The following SULT1C2 variants were observed in gnomAD, a reference collection of about 807,000 sequenced individuals.
The protein encoded by SULT1C2 is sulfotransferase family 1C member 2, also known as sulfotransferase 1C2.
In SULT1C2, 27 loss-of-function variants were observed where a neutral mutation model predicts 36.0. The observed-to-expected ratio is 0.75, with a 90% CI of 0.55 to 1.03. SULT1C2 has a LOEUF of 1.03. Ranked by LOEUF, SULT1C2 falls within the 50% of genes least tolerant of loss-of-function variation. The pLI, the probability that SULT1C2 is intolerant of heterozygous loss-of-function variation, is 0.00. For synonymous variants in SULT1C2, 121 were observed against 116.0 expected, an observed-to-expected ratio of 1.04 and a Z score of -0.27; for missense variants, 395 against 359.2, an observed-to-expected ratio of 1.10 and a Z score of -0.80.
Position 108,305,505 on chromosome 2 carries a change from T to C in SULT1C2, c.688T>C (p.Phe230Leu). ...VLDKIVQETSFEKMKENPMTN... is the reference protein window; with the variant it reads ...VLDKIVQETSLEKMKENPMTN... ...AGATAAAATTGTCCAGGAGACGTCA[T>C]TTGAGAAAATGAAAGAAAATCCCAT... The change falls in exon 7 of 8, where the codon TTT (phenylalanine) becomes CTT (leucine). Residue 230 changes from phenylalanine to leucine, a missense_variant. Physicochemically the swap from Phe to Leu is conservative, Grantham distance 22. Coordinates refer to ENST00000251481, the MANE Select transcript of SULT1C2 (RefSeq NM_001056.4). 6.2e-7 allele frequency: 1 copy of C among 1,614,120 alleles called. No individual in the cohort carries two copies. The highest frequency in any genetic ancestry group is 8.5e-7 in the Non-Finnish European group (1 of 1,179,984).
chr2:108,305,196 A>C lies in SULT1C2; in HGVS notation c.527A>C (p.His176Pro). The C allele has an allele frequency of 6.2e-7, 1 of 1,614,188 alleles. No individual in the cohort carries two copies. The highest frequency in any genetic ancestry group is 8.5e-7 in the Non-Finnish European group (1 of 1,180,030). ...GTGGTTTGGGGTTCCTGGTTTGACC[A>C]CGTGAAAGGATGGTGGGAGATGAAA... ...GKVVWGSWFD[H>P]VKGWWEMKDR... Residue 176 changes from histidine to proline, a missense_variant, in exon 6 of 8, where the codon CAC (histidine) becomes CCC (proline). His to Pro is a moderately conservative substitution (Grantham distance 77, BLOSUM62 -2). Coordinates refer to ENST00000251481, the MANE Select transcript of SULT1C2 (RefSeq NM_001056.4).
chr2:108,308,270 G>T, intron 7 of SULT1C2, 82 bp from the exon 8 acceptor site: 1 of 1,289,008 alleles, frequency 7.8e-7, no homozygotes, highest in Non-Finnish European at 1.1e-6. Context: ...GCCAGATTCA[G>T]TATGGGCACT....
chr2:108,293,777 C>A lies in SULT1C2; in HGVS notation c.110C>A (p.Ala37Asp). The A allele has an allele frequency of 6.2e-7, 1 of 1,614,050 alleles. No homozygotes were observed. The highest frequency in any genetic ancestry group is 8.5e-7 in the Non-Finnish European group (1 of 1,179,986). ...TGGAGCCAGATCCAGAGCTTCGAGGCCAAACCAGATGATCTCCTCATCTGC... is the reference window on the plus strand; with the variant it reads ...TGGAGCCAGATCCAGAGCTTCGAGGACAAACCAGATGATCTCCTCATCTGC... ...DNWSQIQSFE[A>D]KPDDLLICTY... Residue 37 changes from alanine (A) to aspartate (D), a missense_variant, in exon 2 of 8, where the codon GCC becomes GAC. Coordinates refer to ENST00000251481, the MANE Select transcript of SULT1C2 (RefSeq NM_001056.4).
Position 108,308,734 on chromosome 2 carries a change from T to G in SULT1C2, c.*270T>G, listed in dbSNP as rs1004072588. On this transcript the variant is annotated 3_prime_UTR_variant, in exon 8 of 8. Coordinates refer to ENST00000251481, the MANE Select transcript of SULT1C2 (RefSeq NM_001056.4). ...ACGTATGACTTGAGTACAAAAGGAT[T>G]GTTTTAATCCCCATTATTCTGGAAA... 2 of 359,534 alleles carry G rather than the reference T, an allele frequency of 5.6e-6. No homozygotes were observed. The highest frequency in any genetic ancestry group is 1.0e-5 in the Non-Finnish European group (2 of 199,962). 22.3% of individuals were successfully genotyped at this position (359,534 alleles called of 1,614,324 possible).
chr2:108,295,952 C>A (rs907040570), intron 3 of SULT1C2, among the ~76,000 whole-genome samples: 2 of 152,164 alleles, frequency 1.3e-5, no homozygotes, highest in Non-Finnish European at 2.9e-5. Context: ...CACCGCCACA[C>A]CTGGCAAATT....
intron 7 of SULT1C2, among the ~76,000 whole-genome samples, chr2:108,306,578 T>C (rs1037392510): frequency 1.3e-5 from 2 of 152,178 alleles, no homozygotes; most frequent in East Asian, 3.9e-4. Flanking sequence ...TACTCCAGCC[T>C]GGGTGACAGA....
rs148959297 is a variant in SULT1C2 at position 108,290,704 on chromosome 2, T to G, written c.-22+1634T>G. Among the ~76,000 whole-genome samples the G allele has an allele frequency of 8.8e-3, 1,345 of 152,218 alleles. 25 individuals carry two copies. The highest frequency in any genetic ancestry group is 0.031 in the African/African-American group (1,289 of 41,522). On this transcript the variant is annotated intron_variant, in intron 1 of 7. Transcript: ENST00000251481. ...ACCCACTTCTGGGAGATGGCATTAA[T>G]CTACTCATGTGGAATCCACCCTTAT... is the stretch of plus-strand genomic sequence containing the variant.
intron 3 of SULT1C2, chr2:108,300,201 A>AC (rs1220726249): frequency 6.6e-6 from 1 of 152,216 alleles, no homozygotes; most frequent in Non-Finnish European, 1.5e-5. Context: ...ACATGGTGAA[A>AC]CCCCGTCTCT....
At chr2:108,302,766 A>T (rs1432113854) in intron 4 of SULT1C2, 1 of 152,252 alleles carries the variant, frequency 6.6e-6, no homozygotes, top group Non-Finnish European at 1.5e-5. Flanking sequence ...CTACTTTTAG[A>T]CACAGAAATA....
At chr2:108,291,406 A>G (rs771088720) in intron 1 of SULT1C2, among the ~76,000 whole-genome samples, 1 of 152,222 alleles carries the variant, frequency 6.6e-6, no homozygotes, top group Non-Finnish European at 1.5e-5. Flanking sequence ...TCCATCTGCA[A>G]AGCCCTTTGC....
rs185413099 is a variant in SULT1C2 at position 108,292,383 on chromosome 2, C to A, written c.-21-1264C>A. 4.8e-4 allele frequency among the ~76,000 whole-genome samples: 65 copies of A among 135,640 alleles called. 1 individual carries two copies. The highest frequency in any genetic ancestry group is 1.7e-3 in the Admixed American group (20 of 11,946). The allele number at this position is 135,640 out of a possible 152,430, so 89.0% of individuals were successfully genotyped here. Reference sequence around the variant, plus strand: ...TGCATTTAAAAGTCTTCCCTCAATACAACAATGACAACACACACACACACA... The same window carrying A: ...TGCATTTAAAAGTCTTCCCTCAATAAAACAATGACAACACACACACACACA... On this transcript the variant is annotated intron_variant, in intron 1 of 7. Coordinates refer to ENST00000251481, the MANE Select transcript of SULT1C2 (RefSeq NM_001056.4).
chr2:108,304,394 A>G (rs948378644), intron 4 of SULT1C2, 180 bp from the exon 5 acceptor site: 3 of 560,698 alleles, frequency 5.4e-6, no homozygotes, highest in African/African-American at 1.9e-5. Context: ...AGTAGAGAGC[A>G]GACTTGGTGA....
chr2:108,300,885 C>T lies in SULT1C2; in HGVS notation c.325C>T (p.His109Tyr). ...AMPSPRILKT[H>Y]LSTQLLPPSF... ...GCCCTCTCCACGGATACTAAAGACT[C>T]ACCTTTCCACTCAGCTGCTGCCACC... Residue 109 changes from histidine to tyrosine, a missense_variant, in exon 4 of 8, where the codon CAC (histidine) becomes TAC (tyrosine). Transcript: ENST00000251481. 2 of 1,614,190 alleles carry T rather than the reference C, an allele frequency of 1.2e-6. No homozygotes were observed. Among genetic ancestry groups the T allele is most frequent in the Non-Finnish European group, 1.7e-6 (2 of 1,180,034 alleles).
intron 5 of SULT1C2, 54 bp from the exon 6 acceptor site, chr2:108,305,118 G>A: frequency 6.2e-7 from 1 of 1,600,124 alleles, no homozygotes; most frequent in Non-Finnish European, 8.6e-7. Flanking sequence ...CTAATACTCA[G>A]AAGGTTTTGT....
chr2:108,293,236 G>A (rs568541770), intron 1 of SULT1C2, among the ~76,000 whole-genome samples: 47 of 146,566 alleles, frequency 3.2e-4, no homozygotes, highest in Non-Finnish European at 6.0e-4. Context: ...AACTAGGGAA[G>A]GAAATCCCAT....
intron 3 of SULT1C2, among the ~76,000 whole-genome samples, chr2:108,298,143 T>G (rs535047318): frequency 1.3e-5 from 2 of 152,248 alleles, no homozygotes; most frequent in Admixed American, 1.3e-4. Flanking sequence ...TCCAACTCCA[T>G]CCATAACCTT....
At chr2:108,294,448 C>CTCTCCCCCATCTCTCCTTCCTCTTT (rs1365016395) in intron 3 of SULT1C2, 94 bp downstream of exon 3, 4 of 592,534 alleles carry the variant, frequency 6.8e-6, no homozygotes, top group Non-Finnish European at 1.0e-5. Flanking sequence ...CTTCTCTCCT[C>CTCTCCCCCATCTCTCCTTCCTCTTT]TCTCTCTCCC....
intron 1 of SULT1C2, among the ~76,000 whole-genome samples, chr2:108,290,030 C>G (rs1031993705): frequency 6.6e-6 from 1 of 152,190 alleles, no homozygotes; most frequent in East Asian, 1.9e-4. Context: ...AGCTACCTGC[C>G]CAGAGCACAA....
chr2:108,308,284 C>T, intron 7 of SULT1C2, 68 bp from the exon 8 acceptor site: 2 of 1,445,882 alleles, frequency 1.4e-6, no homozygotes. Context: ...GGGCACTACA[C>T]CACTTTACTC....
Sources: allele counts gnomAD v4.1 joint callset (sites outside exome capture counted in the v4.1 genomes callset), GRCh38; gene constraint gnomAD v4.1.1; transcripts MANE v1.5; gene names NCBI Gene and HGNC (gene_info 2026-07-23, HGNC 2026-07-21).